The following SDK1 variants were observed in gnomAD, a reference collection of about 807,000 sequenced individuals.
SDK1 encodes protein sidekick-1.
In SDK1, 157 loss-of-function variants were observed where a neutral mutation model predicts 245.5. The ratio of observed to expected loss-of-function variants is 0.64; its 90% CI spans 0.56 to 0.73. The LOEUF is 0.73. Ranked by LOEUF, SDK1 falls within the 30% of genes least tolerant of loss-of-function variation. The pLI is 0.00. For synonymous variants in SDK1, 1,647 were observed against 1,278.5 expected, an observed-to-expected ratio of 1.29 and a Z score of -6.15; for missense variants, 3,583 against 3,002.3, an observed-to-expected ratio of 1.19 and a Z score of -4.52.
intron 4 of SDK1, among the ~76,000 whole-genome samples, chr7:3,727,921 A>G (rs953657128): frequency 6.6e-6 from 1 of 152,152 alleles, no homozygotes; most frequent in Non-Finnish European, 1.5e-5. Context: ...ATACCACATT[A>G]CATTTAGTCA....
rs115486891 is a variant in SDK1 at position 3,458,075 on chromosome 7, G to T, written c.298+156191G>T. 4.1e-3 allele frequency among the ~76,000 whole-genome samples: 622 copies of T among 151,864 alleles called. 9 individuals are homozygous for T. Among genetic ancestry groups the T allele is most frequent in the East Asian group, 0.013 (69 of 5,160 alleles). ...GGAAGTGACACTTGGATTCTTTTTT[G>T]TGTGTGTGTGTTTTTCCCTGTTGGA... On this transcript the variant is annotated intron_variant, in intron 1 of 44. Transcript: ENST00000404826.
intron 1 of SDK1, among the ~76,000 whole-genome samples, chr7:3,581,933 G>C (rs1051693009): frequency 4.6e-5 from 7 of 152,244 alleles, no homozygotes; most frequent in Non-Finnish European, 1.5e-5. Context: ...GTCAGTGGGA[G>C]CTAAATGATG....
chr7:3,808,833 G>T (rs968207917), intron 4 of SDK1, among the ~76,000 whole-genome samples: 1 of 152,052 alleles, frequency 6.6e-6, no homozygotes, highest in Non-Finnish European at 1.5e-5. Flanking sequence ...CATACCTATC[G>T]TAGTAGCGTT....
At chr7:3,304,930 C>G (rs748364918) in intron 1 of SDK1, among the ~76,000 whole-genome samples, 2 of 152,152 alleles carry the variant, frequency 1.3e-5, no homozygotes, top group Non-Finnish European at 2.9e-5. Context: ...GACACCCCCT[C>G]CTCCCTCCAG....
intron 38 of SDK1, among the ~76,000 whole-genome samples, chr7:4,212,869 CAAGT>C (rs1258505805): frequency 6.6e-6 from 1 of 152,204 alleles, no homozygotes; most frequent in Non-Finnish European, 1.5e-5. Flanking sequence ...CATTCTTCCT[CAAGT>C]AAGTGACTGG....
At chr7:3,543,729 T>C (rs570641651) in intron 1 of SDK1, among the ~76,000 whole-genome samples, 84 of 152,366 alleles carry the variant, frequency 5.5e-4, no homozygotes, top group Non-Finnish European at 9.3e-4. Context: ...CTGGACTTCA[T>C]GTTTACAGTG....
intron 1 of SDK1, among the ~76,000 whole-genome samples, chr7:3,390,701 A>G (rs1781729133): frequency 6.6e-6 from 1 of 152,164 alleles, no homozygotes; most frequent in African/African-American, 2.4e-5. Flanking sequence ...CGAAGTCAAT[A>G]ATGCCAAGTA....
intron 44 of SDK1, among the ~76,000 whole-genome samples, chr7:4,246,513 A>G (rs568002761): frequency 4.1e-4 from 62 of 152,190 alleles, no homozygotes; most frequent in Non-Finnish European, 8.1e-4. Flanking sequence ...TGCAGGGCGG[A>G]TAGAAAATGT....
chr7:3,677,276 G>A (rs59702115), intron 4 of SDK1, among the ~76,000 whole-genome samples: 2,044 of 152,170 alleles, frequency 0.013, 51 homozygotes, highest in African/African-American at 0.048. Flanking sequence ...TTTGGCCCTG[G>A]ATTCTTCTTT....
rs748450656 is a variant in SDK1 at position 4,175,873 on chromosome 7, GCA to G, written c.4996+45_4996+46del. ...CAGCGGGAGGCCCATGCCGCGAGGC[GCA>G]CACACTGTGCCCAGAGCCAGCTGGT... is the stretch of plus-strand genomic sequence containing the variant. On this transcript the variant is annotated intron_variant, in intron 34 of 44. Transcript: ENST00000404826. 2.7e-5 allele frequency: 43 copies of G among 1,571,002 alleles called. No homozygotes were observed. In the African/African-American group the frequency reaches 3.5e-4, roughly 13 times the overall value.
intron 2 of SDK1, among the ~76,000 whole-genome samples, chr7:3,634,072 G>A (rs1207242214): frequency 6.6e-6 from 1 of 152,160 alleles, no homozygotes; most frequent in Non-Finnish European, 1.5e-5. Flanking sequence ...GAGCAAATGT[G>A]TCTAATTGGC....
At chr7:3,342,187 A>G (rs1440441163) in intron 1 of SDK1, among the ~76,000 whole-genome samples, 2 of 152,238 alleles carry the variant, frequency 1.3e-5, no homozygotes, top group Non-Finnish European at 2.9e-5. Context: ...GAAATTGGAC[A>G]TCCATAGACG....
rs557946399 is a variant in SDK1, at chr7:4,237,585, G to A, written c.5993-62G>A. 16 of 1,600,278 alleles carry A rather than the reference G, an allele frequency of 1.0e-5. No individual in the cohort carries two copies. In the East Asian group the frequency reaches 1.1e-4, roughly 11 times the overall value. ...CTTCCCTGCCAACCACCTGACTCGCGGGAGGTGACTGCAGCTGGAGCGTCT... is the reference window on the plus strand; with the variant it reads ...CTTCCCTGCCAACCACCTGACTCGCAGGAGGTGACTGCAGCTGGAGCGTCT... On this transcript the variant is annotated intron_variant, in intron 41 of 44. Transcript: ENST00000404826.
At chr7:3,979,770 C>G (rs17134101) in intron 13 of SDK1, among the ~76,000 whole-genome samples, 1 of 152,184 alleles carries the variant, frequency 6.6e-6, no homozygotes, top group Admixed American at 6.5e-5. Flanking sequence ...AGGATGACTT[C>G]ATATTCCCCA....
intron 40 of SDK1, among the ~76,000 whole-genome samples, chr7:4,228,660 C>G (rs1245844941): frequency 6.6e-6 from 1 of 152,212 alleles, no homozygotes; most frequent in Non-Finnish European, 1.5e-5. Context: ...CTGCCTCAGT[C>G]TCCTGAGTAG....
chr7:4,167,030 C>A (rs1781541070), intron 32 of SDK1, among the ~76,000 whole-genome samples: 2 of 152,180 alleles, frequency 1.3e-5, no homozygotes, highest in Non-Finnish European at 2.9e-5. Context: ...CTGGGTCTTC[C>A]CCAGACCATT....
At chr7:3,819,385 G>A (rs765895512) in intron 4 of SDK1, among the ~76,000 whole-genome samples, 55 of 151,992 alleles carry the variant, frequency 3.6e-4, no homozygotes, top group Admixed American at 4.6e-4. Context: ...AAATAATGCC[G>A]TAAATAATAT....
chr7:4,056,042 C>T (rs943234725), intron 19 of SDK1, among the ~76,000 whole-genome samples: 6 of 151,848 alleles, frequency 4.0e-5, no homozygotes, highest in Admixed American at 1.3e-4. Flanking sequence ...GTTTAATGGC[C>T]TAGGATATGG....
chr7:4,139,595 A>ATGTGTGTG (rs1562872159), intron 28 of SDK1, among the ~76,000 whole-genome samples: 1 of 65,710 alleles, frequency 1.5e-5, no homozygotes, highest in East Asian at 6.8e-4. Context: ...GTGTGTGTAT[A>ATGTGTGTG]TGTATATATG....
Sources: allele counts gnomAD v4.1 joint callset (sites outside exome capture counted in the v4.1 genomes callset), GRCh38; gene constraint gnomAD v4.1.1; transcripts MANE v1.5; gene names NCBI Gene and HGNC (gene_info 2026-07-23, HGNC 2026-07-21).